CADM1: variants seen among roughly 807,000 people sequenced by gnomAD.
CADM1 encodes the protein cell adhesion molecule 1, also known as TSLC-1.
Under a neutral mutation model 53.1 loss-of-function variants are expected in CADM1, and 15 were observed. The ratio of observed to expected loss-of-function variants is 0.28; its 90% confidence interval spans 0.19 to 0.44. CADM1 has a LOEUF of 0.44. Ranked by LOEUF, CADM1 falls within the 20% of genes least tolerant of loss-of-function variation. The pLI, the probability that CADM1 is intolerant of heterozygous loss-of-function variation, is 1.00. For synonymous variants in CADM1, 281 were observed against 243.0 expected (o/e 1.16, Z -1.45); for missense variants, 434 against 611.3 (o/e 0.71, Z 3.06).
chr11:115,388,314 C>T (rs1292191962), intron 1 of CADM1, among the ~76,000 whole-genome samples: 2 of 152,010 alleles, frequency 1.3e-5, no homozygotes, highest in African/African-American at 4.8e-5. Context: ...ATGCTAACTA[C>T]TGACTGGTAA....
Position 115,200,843 on chromosome 11 carries a change from C to T in CADM1, c.1079-2405G>A, listed in dbSNP as rs1368508596. Among the ~76,000 whole-genome samples the T allele has an allele frequency of 2.6e-5, 4 of 151,998 alleles. 1 individual carries two copies. Among genetic ancestry groups the T allele is most frequent in the Middle Eastern group, 6.3e-3 (2 of 316 alleles). ...TACTTAAGTACAAATGATAGAAGGG[C>T]GGGGGGTGGAGTAAGACCTAAGGGT... is the stretch of plus-strand genomic sequence containing the variant. On this transcript the variant is annotated intron_variant, in intron 8 of 11. Transcript: ENST00000331581.
intron 5 of CADM1, among the ~76,000 whole-genome samples, chr11:115,221,162 A>G (rs1402856187): frequency 6.6e-6 from 1 of 152,232 alleles, no homozygotes; most frequent in Non-Finnish European, 1.5e-5. Context: ...TGTATCACTC[A>G]GAATGGCTTA....
At chr11:115,295,550 A>ATATATATATGTATATTAT (rs371584699) in intron 1 of CADM1, among the ~76,000 whole-genome samples, 7 of 52,998 alleles carry the variant, frequency 1.3e-4, no homozygotes, top group African/African-American at 6.7e-4. Flanking sequence ...ATATATATAT[A>ATATATATATGTATATTAT]ATATATATGT....
intron 1 of CADM1, among the ~76,000 whole-genome samples, chr11:115,421,726 T>C (rs188313547): frequency 1.3e-5 from 2 of 152,330 alleles, no homozygotes; most frequent in Admixed American, 6.5e-5. Flanking sequence ...ATCAGCAGCA[T>C]GCCATTGCCA....
intron 3 of CADM1, 49 bp downstream of exon 3, chr11:115,238,451 G>A: frequency 6.3e-7 from 1 of 1,583,374 alleles, no homozygotes; most frequent in Non-Finnish European, 8.7e-7. Context: ...GCTGTAAAAG[G>A]GCCATCTCTA....
chr11:115,257,364 A>G (rs1942824303), intron 1 of CADM1, among the ~76,000 whole-genome samples: 1 of 152,190 alleles, frequency 6.6e-6, no homozygotes, highest in Admixed American at 6.6e-5. Context: ...GGCCCCAAGG[A>G]AGGCCATTTC....
intron 1 of CADM1, among the ~76,000 whole-genome samples, chr11:115,436,761 G>T (rs1317689256): frequency 1.3e-5 from 2 of 152,156 alleles, no homozygotes; most frequent in Non-Finnish European, 2.9e-5. Flanking sequence ...TTTCTGAAAG[G>T]GTGGGGCTTT....
At chr11:115,324,722 G>A (rs1944915992) in intron 1 of CADM1, among the ~76,000 whole-genome samples, 1 of 152,176 alleles carries the variant, frequency 6.6e-6, no homozygotes, top group South Asian at 2.1e-4. Flanking sequence ...GAAGAAACCA[G>A]GTGTCACTCA....
chr11:115,245,578 C>T (rs1942381994), intron 1 of CADM1, among the ~76,000 whole-genome samples: 1 of 152,176 alleles, frequency 6.6e-6, no homozygotes, highest in Admixed American at 6.5e-5. Context: ...GAAGAAGAAC[C>T]TCTAATCCCT....
intron 1 of CADM1, among the ~76,000 whole-genome samples, chr11:115,267,918 G>T (rs1382930279): frequency 1.3e-5 from 2 of 151,912 alleles, no homozygotes; most frequent in Non-Finnish European, 2.9e-5. Flanking sequence ...AACCTCAAGG[G>T]AATGAAAGTG....
chr11:115,244,225 G>A (rs1942335484), intron 1 of CADM1, among the ~76,000 whole-genome samples: 1 of 152,252 alleles, frequency 6.6e-6, no homozygotes, highest in Non-Finnish European at 1.5e-5. Context: ...TTTATGATTA[G>A]TAATGACCAT....
rs940005153 is a variant in CADM1, at chr11:115,310,300, G to C, written c.125-69880C>G. Among the ~76,000 whole-genome samples the C allele has an allele frequency of 1.4e-4, 21 of 152,124 alleles. No homozygotes were observed. In the East Asian group the frequency reaches 3.7e-3, roughly 27 times the overall value. The stretch of plus-strand genomic sequence containing the variant: ...TTATATTGATGAAAATATTCCAGAA[G>C]TTAATAGAGTACCTGCCTTCTTAAA... On this transcript the variant is annotated intron_variant, in intron 1 of 11. Transcript: ENST00000331581.
At chr11:115,401,986 A>C (rs915335135) in intron 1 of CADM1, among the ~76,000 whole-genome samples, 1 of 151,696 alleles carries the variant, frequency 6.6e-6, no homozygotes, top group African/African-American at 2.4e-5. Flanking sequence ...AAAGCCCAAC[A>C]CCCCCACAAA....
chr11:115,202,627 G>A (rs1940488281), intron 8 of CADM1, among the ~76,000 whole-genome samples: 1 of 152,092 alleles, frequency 6.6e-6, no homozygotes, highest in African/African-American at 2.4e-5. Flanking sequence ...AAGCCTAAAT[G>A]AAAGCATACT....
chr11:115,225,320 G>A (rs1267296792), intron 5 of CADM1, among the ~76,000 whole-genome samples: 3 of 149,486 alleles, frequency 2.0e-5, no homozygotes, highest in South Asian at 2.2e-4. Flanking sequence ...AAAAGGGGGG[G>A]GGACTTTAAT....
At chr11:115,503,766 G>C (rs900591780) in intron 1 of CADM1, among the ~76,000 whole-genome samples, 4 of 152,166 alleles carry the variant, frequency 2.6e-5, no homozygotes, top group Admixed American at 2.6e-4. Flanking sequence ...CCTGGGGACC[G>C]GGGAGAAATC....
intron 1 of CADM1, among the ~76,000 whole-genome samples, chr11:115,384,789 G>A (rs1334834942): frequency 6.6e-6 from 1 of 152,100 alleles, no homozygotes; most frequent in Non-Finnish European, 1.5e-5. Flanking sequence ...AGTGGAAAGG[G>A]GTTAATGGAA....
chr11:115,259,496 G>C (rs1942902667), intron 1 of CADM1, among the ~76,000 whole-genome samples: 1 of 151,482 alleles, frequency 6.6e-6, no homozygotes, highest in Admixed American at 6.6e-5. Flanking sequence ...AGTAGAGATG[G>C]GTTTTCGCCA....
intron 1 of CADM1, among the ~76,000 whole-genome samples, chr11:115,312,871 G>T (rs904684577): frequency 6.6e-6 from 1 of 152,118 alleles, no homozygotes; most frequent in African/African-American, 2.4e-5. Flanking sequence ...CAAAGATTTT[G>T]ATATATTTCA....
Sources: gnomAD v4.1 joint callset for allele counts (sites outside exome capture counted in the v4.1 genomes callset) on GRCh38, gnomAD v4.1.1 for gene constraint, MANE v1.5 for transcripts, NCBI Gene and HGNC (gene_info 2026-07-23, HGNC 2026-07-21) for gene names.